Variants in MBD5 observed in about 807,000 individuals in gnomAD.
The protein encoded by MBD5 is methyl-CpG-binding domain protein 5.
In MBD5, 13 loss-of-function variants were observed where a neutral mutation model predicts 117.3. That is an observed-to-expected ratio of 0.11 (90% confidence interval 0.07 to 0.18). The LOEUF (loss-of-function observed/expected upper bound fraction) is 0.18. MBD5 is among the 10% of genes least tolerant of loss of function. MBD5 has a pLI of 1.00. For missense variants in MBD5, 1,879 were observed against 2,093.8 expected (o/e 0.90, Z 2.00); for synonymous variants, 727 against 766.4 (o/e 0.95, Z 0.85).
At chr2:148,164,180 C>T (rs1698074006) in intron 1 of MBD5, among the ~76,000 whole-genome samples, 1 of 152,170 alleles carries the variant, frequency 6.6e-6, no homozygotes, top group African/African-American at 2.4e-5. Context: ...GTGATTTATG[C>T]AGATAGTAGC....
chr2:148,335,564 A>G (rs1425114629), intron 3 of MBD5, among the ~76,000 whole-genome samples: 2 of 151,918 alleles, frequency 1.3e-5, no homozygotes, highest in African/African-American at 4.8e-5. Flanking sequence ...ACCAAAAATA[A>G]ACACAATTAG....
At chr2:148,181,346 C>G (rs982323951) in intron 2 of MBD5, among the ~76,000 whole-genome samples, 1 of 152,142 alleles carries the variant, frequency 6.6e-6, no homozygotes, top group Non-Finnish European at 1.5e-5. Context: ...TATCGTGGAA[C>G]TTTGCAAGGA....
At position 148,197,254 on chromosome 2, in the gene MBD5, C is replaced by T. The variant is rs567673893; in HGVS notation, c.-831+18461C>T. Among the ~76,000 whole-genome samples the T allele has an allele frequency of 1.2e-3, 190 of 152,290 alleles. 1 individual carries two copies. The highest frequency in any genetic ancestry group is 3.9e-3 in the South Asian group (19 of 4,814). On this transcript the variant is annotated intron_variant, in intron 2 of 13. Transcript: ENST00000642680. The stretch of plus-strand genomic sequence containing the variant: ...TGAGCCACGTGAGAGGCTGCAACCA[C>T]ACCAAGCATGTGATGGAGCAAGTTT...
At chr2:148,100,779 A>G (rs1445961255) in intron 1 of MBD5, among the ~76,000 whole-genome samples, 2 of 152,152 alleles carry the variant, frequency 1.3e-5, no homozygotes, top group Admixed American at 6.6e-5. Context: ...TGTATGACCT[A>G]TTGTTTGCCA....
chr2:148,123,357 A>T (rs767821629), intron 1 of MBD5, among the ~76,000 whole-genome samples: 1 of 152,232 alleles, frequency 6.6e-6, no homozygotes, highest in African/African-American at 2.4e-5. Flanking sequence ...TAATCCAAGT[A>T]TGGGACCTTG....
chr2:148,108,622 G>A (rs766438911), intron 1 of MBD5, among the ~76,000 whole-genome samples: 5 of 151,796 alleles, frequency 3.3e-5, no homozygotes, highest in Non-Finnish European at 2.9e-5. Flanking sequence ...AGTGCTTGCC[G>A]TACCACTTTC....
chr2:148,065,872 T>C (rs1165689332), intron 1 of MBD5, among the ~76,000 whole-genome samples: 1 of 152,204 alleles, frequency 6.6e-6, no homozygotes, highest in Non-Finnish European at 1.5e-5. Flanking sequence ...GAACTCAGCA[T>C]TTAGTTGATG....
chr2:148,454,121 C>A (rs1416303183), intron 4 of MBD5, among the ~76,000 whole-genome samples: 4 of 151,890 alleles, frequency 2.6e-5, no homozygotes, highest in African/African-American at 7.3e-5. Context: ...TTATATCCAA[C>A]AATTAAAGAT....
At chr2:148,271,752 CA>C (rs1700992090) in intron 3 of MBD5, among the ~76,000 whole-genome samples, 1 of 151,740 alleles carries the variant, frequency 6.6e-6, no homozygotes, top group Admixed American at 6.6e-5. Context: ...AGCTAGTTAG[CA>C]TATGCATTAC....
intron 3 of MBD5, among the ~76,000 whole-genome samples, chr2:148,293,978 C>T (rs1024022125): frequency 2.0e-5 from 3 of 152,112 alleles, no homozygotes; most frequent in East Asian, 1.9e-4. Context: ...AAGAAGGAGA[C>T]GAAATATGCA....
chr2:148,379,843 G>A (rs1198976036), intron 4 of MBD5, among the ~76,000 whole-genome samples: 1 of 151,998 alleles, frequency 6.6e-6, no homozygotes, highest in Non-Finnish European at 1.5e-5. Flanking sequence ...ATCCAATAGA[G>A]GGAGGAAATG....
At position 148,405,704 on chromosome 2, in the gene MBD5, G is replaced by C. The variant is rs556025069; in HGVS notation, c.-556-52499G>C. Among the ~76,000 whole-genome samples, 31 of 152,298 alleles carry C rather than the reference G, an allele frequency of 2.0e-4. No homozygotes were observed. In the South Asian group the frequency reaches 3.3e-3, roughly 16 times the overall value. On this transcript the variant is annotated intron_variant, in intron 4 of 13. Coordinates refer to ENST00000642680, the MANE Select transcript of MBD5 (RefSeq NM_001378120.1). ...GGCTTCATTATACCTGAGGCACTTA[G>C]AAAATTCCTTGTACAACCATTTGAG...
chr2:148,279,320 C>T (rs1701185265), intron 3 of MBD5, among the ~76,000 whole-genome samples: 1 of 152,180 alleles, frequency 6.6e-6, no homozygotes, highest in Non-Finnish European at 1.5e-5. Flanking sequence ...GTCCTAGATA[C>T]TAGGAAGGTC....
chr2:148,351,663 T>C (rs1392714269), intron 4 of MBD5, among the ~76,000 whole-genome samples: 1 of 151,976 alleles, frequency 6.6e-6, no homozygotes, highest in East Asian at 1.9e-4. Context: ...AGGAATAACG[T>C]TGTAAGAATA....
At chr2:148,343,032 G>A (rs1259942433) in intron 4 of MBD5, among the ~76,000 whole-genome samples, 1 of 151,934 alleles carries the variant, frequency 6.6e-6, no homozygotes, top group African/African-American at 2.4e-5. Context: ...GCGATATTTG[G>A]TTTTCTGTTC....
intron 4 of MBD5, among the ~76,000 whole-genome samples, chr2:148,401,286 G>A (rs1195394547): frequency 2.0e-5 from 3 of 151,904 alleles, no homozygotes; most frequent in Non-Finnish European, 4.4e-5. Flanking sequence ...GAAATCTTGC[G>A]GAGTTCAGCA....
At chr2:148,339,770 T>A (rs940367870) in intron 3 of MBD5, among the ~76,000 whole-genome samples, 1 of 152,142 alleles carries the variant, frequency 6.6e-6, no homozygotes, top group African/African-American at 2.4e-5. Context: ...TAAATAAATT[T>A]ATTGTCTATC....
chr2:148,059,845 C>G (rs1043506534), intron 1 of MBD5, among the ~76,000 whole-genome samples: 1 of 105,794 alleles, frequency 9.5e-6, no homozygotes, highest in Non-Finnish European at 2.0e-5. Context: ...GACTCCGTCT[C>G]AAAAAAAAAA....
At chr2:148,412,653 T>G (rs530727903) in intron 4 of MBD5, among the ~76,000 whole-genome samples, 1 of 152,142 alleles carries the variant, frequency 6.6e-6, no homozygotes, top group African/African-American at 2.4e-5. Flanking sequence ...TTTGTAGTTC[T>G]CCTTGTAGAG....
Sources: allele counts gnomAD v4.1 joint callset (sites outside exome capture counted in the v4.1 genomes callset), GRCh38; gene constraint gnomAD v4.1.1; transcripts MANE v1.5; gene names NCBI Gene and HGNC (gene_info 2026-07-23, HGNC 2026-07-21).